Variants in COG7 observed in about 807,000 individuals in gnomAD.
COG7 encodes component of oligomeric golgi complex 7.
COG7 carries 49 observed loss-of-function variants against 91.5 expected under a neutral mutation model. The observed-to-expected ratio is 0.54, with a 90% CI of 0.43 to 0.68. The LOEUF is 0.68. COG7 is among the 30% of genes least tolerant of loss of function. The probability of loss-of-function intolerance (pLI) is 0.00; values close to 1 mark genes in which losing one functional copy is unlikely to be tolerated. For missense variants in COG7, 895 were observed against 961.3 expected, an observed-to-expected ratio of 0.93 and a Z score of 0.91; for synonymous variants, 365 against 388.7, an observed-to-expected ratio of 0.94 and a Z score of 0.72.
At chr16:23,433,380 C>T (rs1001977460) in intron 6 of COG7, among the ~76,000 whole-genome samples, 165 bp downstream of exon 6, 1 of 152,078 alleles carries the variant, frequency 6.6e-6, no homozygotes, top group Non-Finnish European at 1.5e-5. Flanking sequence ...TGTGAGCCAC[C>T]GCACCCGGCC....
At chr16:23,404,742 A>G (rs1963432190) in intron 12 of COG7, among the ~76,000 whole-genome samples, 1 of 152,238 alleles carries the variant, frequency 6.6e-6, no homozygotes. Context: ...CAATATGGTG[A>G]AACCCTTTCT....
rs1380773720 is a variant in COG7, at chr16:23,413,530, T to C, written c.1327A>G (p.Ile443Val). The change falls in exon 10 of 17, where the codon ATA (isoleucine) becomes GTA (valine). Residue 443 changes from isoleucine (I) to valine (V), a missense_variant. Physicochemically the swap from Ile to Val is conservative, Grantham distance 29. Coordinates refer to ENST00000307149, the MANE Select transcript of COG7 (RefSeq NM_153603.4). ...TGGTCCAGTTTGCACTTCTTTCGTA[T>C]GGACTGGAGAGTGCTGGTGAAATCA... ...VSDFTSTLQS[I>V]RKKCKLDHIP... 6.2e-7 allele frequency: 1 copy of C among 1,611,384 alleles called. No individual in the cohort carries two copies. Among genetic ancestry groups the C allele is most frequent in the Non-Finnish European group, 8.5e-7 (1 of 1,177,638 alleles).
chr16:23,421,850 CAAA>C (rs369425955), intron 7 of COG7, among the ~76,000 whole-genome samples: 3 of 47,662 alleles, frequency 6.3e-5, no homozygotes, highest in Admixed American at 2.2e-4. Flanking sequence ...GACTCCATCT[CAAA>C]AAAAAAAAAA....
At chr16:23,421,675 G>A (rs1326317624) in intron 7 of COG7, among the ~76,000 whole-genome samples, 1 of 151,682 alleles carries the variant, frequency 6.6e-6, no homozygotes, top group East Asian at 1.9e-4. Flanking sequence ...CTGGTGAGGG[G>A]ATGGCAACAC....
chr16:23,389,003 G>A lies in COG7; in HGVS notation c.2230C>T (p.Pro744Ser). 2 of 1,614,080 alleles carry A rather than the reference G, an allele frequency of 1.2e-6. No homozygotes were observed. Among genetic ancestry groups the A allele is most frequent in the Non-Finnish European group, 1.7e-6 (2 of 1,180,024 alleles). The change falls in exon 17 of 17, where the codon CCT becomes TCT. Residue 744 changes from proline to serine, a missense_variant. Physicochemically the swap from Pro to Ser is moderately conservative, Grantham distance 74 (BLOSUM62 -1). Transcript: ENST00000307149. ...TTGCTGACCTGTCTATAGTCCTCAG[G>A]CCTGGTCTTCAGTAGCGTCACGATG... ...QHIVTLLKTRPEDYRQVSKGL... is the reference protein window; with the variant it reads ...QHIVTLLKTRSEDYRQVSKGL...
intron 16 of COG7, chr16:23,391,962 C>A: frequency 8.9e-7 from 1 of 1,126,932 alleles, no homozygotes; most frequent in Non-Finnish European, 1.1e-6. Context: ...GAGCACCCAC[C>A]TCACAGGGGA....
intron 13 of COG7, 39 bp from the exon 14 acceptor site, chr16:23,398,168 G>T: frequency 1.3e-6 from 2 of 1,551,560 alleles, no homozygotes; most frequent in Non-Finnish European, 1.8e-6. Flanking sequence ...GTACCTAGCA[G>T]CCAGGCAGCT....
At chr16:23,446,901 A>T (rs1261299362) in intron 1 of COG7, 1 of 150,942 alleles carries the variant, frequency 6.6e-6, no homozygotes, top group Non-Finnish European at 1.5e-5. Flanking sequence ...ACAGGCACAC[A>T]CCACCAGGAC....
chr16:23,406,099 T>C lies in COG7; in HGVS notation c.1639A>G (p.Met547Val), dbSNP rs145713378. The change falls in exon 12 of 17, where the codon ATG becomes GTG. Residue 547 changes from methionine to valine, a missense_variant. Met to Val is a conservative substitution (Grantham distance 21). Coordinates refer to ENST00000307149, the MANE Select transcript of COG7 (RefSeq NM_153603.4). ...ACCTTAAGGGTATAAAGTATTTCCA[T>C]TAAACTGGCATATTCAGCAGGGTTA... ...KDNPAEYASL[M>V]EILYTLKEKG... is the part of the protein sequence containing the mutation. 3.9e-5 allele frequency: 63 copies of C among 1,614,008 alleles called. No individual in the cohort carries two copies. The highest frequency in any genetic ancestry group is 4.9e-5 in the Non-Finnish European group (58 of 1,179,996).
At position 23,388,624 on chromosome 16, in the gene COG7, CTT is replaced by C. The variant is rs567617218; in HGVS notation, c.*294_*295del. On this transcript the variant is annotated 3_prime_UTR_variant, in exon 17 of 17. Coordinates refer to ENST00000307149, the MANE Select transcript of COG7 (RefSeq NM_153603.4). ...TTTTGATTATACAAATGAACCAAGT[CTT>C]TTTTTTTTTTTTTTTTGAGACAGAG... is the stretch of plus-strand genomic sequence containing the variant. 4.3e-3 allele frequency: 672 copies of C among 155,466 alleles called. No individual in the cohort carries two copies. The highest frequency in any genetic ancestry group is 7.3e-3 in the African/African-American group (231 of 31,752). The allele number at this position is 155,466 out of a possible 1,614,324, so 9.6% of individuals were successfully genotyped here. A position where few individuals can be genotyped will look rare whatever the true frequency, so the allele number is the denominator to read the frequency against.
Position 23,424,737 on chromosome 16 carries a change from A to C in COG7, c.1009+12T>G. On this transcript the variant is annotated intron_variant, in intron 7 of 16. Transcript: ENST00000307149. ...AAGACAAGCTAGAGAACTGGCAGGA[A>C]GGAATGTTTACGTAGGTGGGGGAGC... 1 of 1,613,918 alleles carries C rather than the reference A, an allele frequency of 6.2e-7. No individual in the cohort carries two copies. The highest frequency in any genetic ancestry group is 8.5e-7 in the Non-Finnish European group (1 of 1,179,786).
At chr16:23,400,478 G>A (rs1963356509) in intron 13 of COG7, among the ~76,000 whole-genome samples, 1 of 152,146 alleles carries the variant, frequency 6.6e-6, no homozygotes, top group Non-Finnish European at 1.5e-5. Context: ...GTAACAATGT[G>A]CAGGGCGAAG....
rs759258603 is a variant in COG7, at chr16:23,406,169, GTTC to G, written c.1566_1568del (p.Lys522del). ...ATTCTTGCCATGGGTTCTTGGCAGA[GTTC>G]TTCTTGTCTGTCAAGATGCTCTCCT... On this transcript the variant is annotated inframe_deletion, in exon 12 of 17. Coordinates refer to ENST00000307149, the MANE Select transcript of COG7 (RefSeq NM_153603.4). 10 of 1,613,788 alleles carry G rather than the reference GTTC, an allele frequency of 6.2e-6. No individual in the cohort carries two copies. The highest frequency in any genetic ancestry group is 2.7e-5 in the African/African-American group (2 of 74,906).
At chr16:23,423,219 TA>T (rs1414082414) in intron 7 of COG7, among the ~76,000 whole-genome samples, 2 of 150,870 alleles carry the variant, frequency 1.3e-5, no homozygotes, top group Non-Finnish European at 3.0e-5. Context: ...ATACAAAAAT[TA>T]GCCTGGTGTG....
chr16:23,420,679 G>A (rs1390707847), intron 7 of COG7, among the ~76,000 whole-genome samples: 1 of 152,226 alleles, frequency 6.6e-6, no homozygotes, highest in East Asian at 1.9e-4. Context: ...AGTAATGTGG[G>A]TCTAACATGG....
At chr16:23,448,805 G>A (rs752524577) in intron 1 of COG7, among the ~76,000 whole-genome samples, 8 of 152,130 alleles carry the variant, frequency 5.3e-5, no homozygotes, top group Non-Finnish European at 1.2e-4. Context: ...ACATGATGCC[G>A]AGCAAGTTAC....
rs749759964 is a variant in COG7 at position 23,445,895 on chromosome 16, T to C, written c.236A>G (p.Glu79Gly). The stretch of plus-strand genomic sequence containing the variant: ...CATCTGTTCTTTCAGGAAAGATGCC[T>C]CCTGTTTTAGGGCTTCAACATCACG... ...VLRDVEALKQ[E>G]ASFLKEQMIL... Residue 79 changes from glutamate to glycine, a missense_variant, in exon 2 of 17, where the codon GAG (glutamate) becomes GGG (glycine). By Grantham distance (98) the Glu-to-Gly change is moderately conservative. Coordinates refer to ENST00000307149, the MANE Select transcript of COG7 (RefSeq NM_153603.4). 20 of 1,613,362 alleles carry C rather than the reference T, an allele frequency of 1.2e-5. No individual in the cohort carries two copies. Among genetic ancestry groups the C allele is most frequent in the Admixed American group, 5.0e-5 (3 of 59,934 alleles).
At chr16:23,427,431 G>A (rs1357810784) in intron 6 of COG7, among the ~76,000 whole-genome samples, 4 of 149,282 alleles carry the variant, frequency 2.7e-5, no homozygotes, top group East Asian at 3.9e-4. Flanking sequence ...CTGAGATAGC[G>A]CCACTGCACT....
chr16:23,440,561 G>T (rs1002590066), intron 4 of COG7, among the ~76,000 whole-genome samples: 2 of 151,092 alleles, frequency 1.3e-5, no homozygotes, highest in Non-Finnish European at 2.9e-5. Flanking sequence ...GGGCTCAAGC[G>T]ATCCTTCTGC....
Sources: gnomAD v4.1 joint callset for allele counts (sites outside exome capture counted in the v4.1 genomes callset) on GRCh38, gnomAD v4.1.1 for gene constraint, MANE v1.5 for transcripts, NCBI Gene and HGNC (gene_info 2026-07-23, HGNC 2026-07-21) for gene names.